Variants in TEAD1 observed in about 807,000 individuals in gnomAD.
TEAD1 encodes the protein transcriptional enhancer factor TEF-1.
A neutral mutation model predicts 54.9 loss-of-function variants in TEAD1; 9 were observed. That is an observed-to-expected ratio of 0.16 (90% CI 0.10 to 0.29). TEAD1 has a LOEUF of 0.29. Ranked by LOEUF, TEAD1 falls within the 10% of genes least tolerant of loss-of-function variation. TEAD1 has a pLI of 1.00. For synonymous variants in TEAD1, 200 were observed against 187.8 expected, an observed-to-expected ratio of 1.07 and a Z score of -0.53; for missense variants, 387 against 535.9, an observed-to-expected ratio of 0.72 and a Z score of 2.74.
intron 2 of TEAD1, among the ~76,000 whole-genome samples, chr11:12,689,635 G>C (rs924395424): frequency 6.6e-6 from 1 of 152,134 alleles, no homozygotes; most frequent in Non-Finnish European, 1.5e-5. Flanking sequence ...TGTAGCATCT[G>C]TCTCTCTTTT....
chr11:12,711,972 C>G (rs1045137714), intron 2 of TEAD1, among the ~76,000 whole-genome samples: 2 of 152,134 alleles, frequency 1.3e-5, no homozygotes, highest in Non-Finnish European at 2.9e-5. Flanking sequence ...TTCTCTACTC[C>G]TCTTCTCCAG....
rs545893124 is a variant in TEAD1, at chr11:12,751,862, G to C, written c.-54-12317G>C. Among the ~76,000 whole-genome samples, 7 of 152,284 alleles carry C rather than the reference G, an allele frequency of 4.6e-5. No homozygotes were observed. The South Asian group carries it at 1.5e-3, about 32-fold the overall frequency. ...AAACTTGCCGACCAAAACCACCTCTGAGCACTCTCTGAGGGGCCTGCCAGT... is the reference window on the plus strand; with the variant it reads ...AAACTTGCCGACCAAAACCACCTCTCAGCACTCTCTGAGGGGCCTGCCAGT... On this transcript the variant is annotated intron_variant, in intron 2 of 12. Transcript: ENST00000527636.
intron 2 of TEAD1, among the ~76,000 whole-genome samples, chr11:12,716,805 T>A (rs1590079075): frequency 6.6e-6 from 1 of 152,364 alleles, no homozygotes; most frequent in East Asian, 1.9e-4. Flanking sequence ...CAAAAACAGA[T>A]GGCAGACCAG....
intron 3 of TEAD1, among the ~76,000 whole-genome samples, chr11:12,841,053 C>CAGT (rs1467953219): frequency 6.6e-6 from 1 of 152,144 alleles, no homozygotes; most frequent in African/African-American, 2.4e-5. Context: ...ACGCTAAGGG[C>CAGT]AGTGCATGTG....
intron 2 of TEAD1, among the ~76,000 whole-genome samples, chr11:12,754,732 C>A (rs1944951023): frequency 6.6e-6 from 1 of 152,174 alleles, no homozygotes; most frequent in Non-Finnish European, 1.5e-5. Flanking sequence ...CAGAGCAGGG[C>A]TTGGCCTTCG....
At chr11:12,854,599 C>T (rs572363105) in intron 3 of TEAD1, among the ~76,000 whole-genome samples, 2 of 152,002 alleles carry the variant, frequency 1.3e-5, no homozygotes, top group East Asian at 3.9e-4. Flanking sequence ...TTTTCTTTTT[C>T]TTTCTTTTTT....
At chr11:12,734,272 G>T (rs1167914124) in intron 2 of TEAD1, among the ~76,000 whole-genome samples, 1 of 152,094 alleles carries the variant, frequency 6.6e-6, no homozygotes, top group Non-Finnish European at 1.5e-5. Flanking sequence ...TAAGTAGAAA[G>T]CTTATAGAAA....
At chr11:12,922,070 C>T (rs907459091) in intron 10 of TEAD1, among the ~76,000 whole-genome samples, 1 of 152,024 alleles carries the variant, frequency 6.6e-6, no homozygotes, top group Admixed American at 6.6e-5. Flanking sequence ...GGAGCTGTAC[C>T]CTGACTGTTA....
chr11:12,709,128 A>G (rs940698819), intron 2 of TEAD1, among the ~76,000 whole-genome samples: 4 of 152,172 alleles, frequency 2.6e-5, no homozygotes, highest in African/African-American at 9.6e-5. Flanking sequence ...TCTTGAGGTC[A>G]GTTGTTTAAG....
intron 2 of TEAD1, among the ~76,000 whole-genome samples, chr11:12,722,551 C>A (rs1221668616): frequency 1.3e-5 from 2 of 151,970 alleles, no homozygotes; most frequent in Non-Finnish European, 2.9e-5. Flanking sequence ...TTGGTCCATG[C>A]TAAAAAATAA....
chr11:12,769,913 C>T (rs190189190), intron 3 of TEAD1, among the ~76,000 whole-genome samples: 3 of 152,006 alleles, frequency 2.0e-5, no homozygotes, highest in African/African-American at 7.3e-5. Context: ...ATGGTTCAAA[C>T]AGAGAACGTA....
intron 9 of TEAD1, among the ~76,000 whole-genome samples, chr11:12,895,904 C>T (rs1487267513): frequency 2.0e-5 from 3 of 152,012 alleles, no homozygotes; most frequent in African/African-American, 4.8e-5. Flanking sequence ...TAGAAGACTA[C>T]GATTTAGTTC....
intron 3 of TEAD1, among the ~76,000 whole-genome samples, chr11:12,854,168 C>T (rs949784304): frequency 1.3e-5 from 2 of 152,156 alleles, no homozygotes; most frequent in African/African-American, 4.8e-5. Context: ...TGAGAACTTC[C>T]TCGTTGGATA....
chr11:12,864,658 T>TTTTG, intron 4 of TEAD1, 180 bp from the exon 5 acceptor site: 1 of 1,451,970 alleles, frequency 6.9e-7, no homozygotes, highest in Non-Finnish European at 9.1e-7. Flanking sequence ...TTTTGTTTTG[T>TTTTG]TTCCCCTCAT....
chr11:12,919,220 A>G (rs866771682), intron 10 of TEAD1, among the ~76,000 whole-genome samples: 3 of 152,146 alleles, frequency 2.0e-5, no homozygotes, highest in Non-Finnish European at 4.4e-5. Flanking sequence ...GAATAATTCT[A>G]TCATTGTAAC....
At chr11:12,835,037 T>A (rs926885856) in intron 3 of TEAD1, among the ~76,000 whole-genome samples, 2 of 152,178 alleles carry the variant, frequency 1.3e-5, no homozygotes, top group African/African-American at 4.8e-5. Context: ...GCTGACCATG[T>A]CTCTGTGACA....
At chr11:12,827,590 A>T (rs898777106) in intron 3 of TEAD1, among the ~76,000 whole-genome samples, 7 of 152,184 alleles carry the variant, frequency 4.6e-5, no homozygotes, top group Non-Finnish European at 1.0e-4. Context: ...CCATCTACTG[A>T]TTCTAGGTCC....
chr11:12,858,288 A>T (rs913954041), intron 3 of TEAD1, among the ~76,000 whole-genome samples: 10 of 152,196 alleles, frequency 6.6e-5, no homozygotes, highest in African/African-American at 2.2e-4. Flanking sequence ...TTCTGGAAAG[A>T]TTTAGAATTA....
At chr11:12,739,525 TC>T (rs1276249633) in intron 2 of TEAD1, among the ~76,000 whole-genome samples, 1 of 152,178 alleles carries the variant, frequency 6.6e-6, no homozygotes, top group Non-Finnish European at 1.5e-5. Flanking sequence ...ATGAGTGGAA[TC>T]CTACTGTATT....
Sources: allele counts gnomAD v4.1 joint callset (sites outside exome capture counted in the v4.1 genomes callset), GRCh38; gene constraint gnomAD v4.1.1; transcripts MANE v1.5; gene names NCBI Gene and HGNC (gene_info 2026-07-23, HGNC 2026-07-21).